GALC: variants seen among roughly 807,000 people sequenced by gnomAD.
The protein encoded by GALC is galactocerebrosidase.
Under a neutral mutation model 91.8 loss-of-function variants are expected in GALC, and 77 were observed. The observed-to-expected ratio is 0.84, with a 90% confidence interval of 0.70 to 1.01. The LOEUF (loss-of-function observed/expected upper bound fraction) is 1.01, where lower values mean the gene tolerates loss of function less well. GALC is among the 50% of genes least tolerant of loss of function. GALC has a pLI of 0.00. For synonymous variants in GALC, 357 were observed against 306.7 expected (o/e 1.16, Z -1.71); for missense variants, 882 against 855.9 (o/e 1.03, Z -0.38).
At chr14:87,960,358 G>A (rs1441934533) in intron 10 of GALC, among the ~76,000 whole-genome samples, 1 of 152,204 alleles carries the variant, frequency 6.6e-6, no homozygotes. Flanking sequence ...CTAGGGTGAA[G>A]ACGGTTAACA....
At position 87,947,800 on chromosome 14, in the gene GALC, G is replaced by T; in HGVS notation, c.1417C>A (p.Arg473Ser). The T allele has an allele frequency of 6.2e-7, 1 of 1,612,792 alleles. No individual in the cohort carries two copies. Among genetic ancestry groups the T allele is most frequent in the South Asian group, 1.1e-5 (1 of 91,056 alleles). Reference sequence around the variant, plus strand: ...GGAGGAAGCGGGTAGCTGCCTTTGCGACCAGTGGTGAGAGTGGTGAGTGTG... The same window carrying T: ...GGAGGAAGCGGGTAGCTGCCTTTGCTACCAGTGGTGAGAGTGGTGAGTGTG... ...LFTLTTLTTG[R>S]KGSYPLPPKS... is the part of the protein sequence containing the mutation. The change falls in exon 13 of 17, where the codon CGC (arginine) becomes AGC (serine). Residue 473 changes from arginine to serine, a missense_variant. Arg to Ser is a moderately radical substitution (Grantham distance 110, BLOSUM62 -1). Coordinates refer to ENST00000261304, the MANE Select transcript of GALC (RefSeq NM_000153.4).
At chr14:87,941,214 T>C (rs1323032654) in intron 15 of GALC, among the ~76,000 whole-genome samples, 181 bp downstream of exon 15, 1 of 152,004 alleles carries the variant, frequency 6.6e-6, no homozygotes, top group East Asian at 2.0e-4. Context: ...CCCCCATCTC[T>C]AGGAATTAAA....
intron 1 of GALC, among the ~76,000 whole-genome samples, chr14:87,992,041 G>A (rs1411878990): frequency 6.6e-6 from 1 of 152,118 alleles, no homozygotes; most frequent in Non-Finnish European, 1.5e-5. Context: ...TGCAAATTAG[G>A]GAATGAAAAC....
chr14:87,960,548 A>T (rs1885759158), intron 10 of GALC, among the ~76,000 whole-genome samples: 1 of 152,200 alleles, frequency 6.6e-6, no homozygotes, highest in Admixed American at 6.5e-5. Flanking sequence ...GACAAAGTTG[A>T]AATACTCACA....
chr14:87,992,559 C>CT, intron 1 of GALC: 1 of 1,504,094 alleles, frequency 6.6e-7, no homozygotes, highest in Non-Finnish European at 8.8e-7. Flanking sequence ...GGGGCGTTCT[C>CT]TTTCGCACAC....
intron 8 of GALC, among the ~76,000 whole-genome samples, chr14:87,967,742 G>A (rs1382917447): frequency 6.6e-6 from 1 of 152,106 alleles, no homozygotes; most frequent in African/African-American, 2.4e-5. Context: ...AACCAGCCTG[G>A]TCTTTTCAAC....
At chr14:87,986,638 C>A in intron 3 of GALC, 36 bp from the exon 4 acceptor site, 1 of 1,286,066 alleles carries the variant, frequency 7.8e-7, no homozygotes, top group Non-Finnish European at 1.1e-6. Flanking sequence ...AGTAATGATC[C>A]ATGAATGGTA....
At chr14:87,992,514 T>C (rs1887246772) in intron 1 of GALC, 1 of 1,529,896 alleles carries the variant, frequency 6.5e-7, no homozygotes, top group Non-Finnish European at 8.7e-7. Flanking sequence ...CACCAACTCC[T>C]CCAAAAGGGA....
Position 87,993,061 on chromosome 14 carries a change from G to T in GALC, c.104C>A (p.Ala35Glu), listed in dbSNP as rs768936728. ...GRAAVPLLLC[A>E]LLAPGGAYVL... ...GTACGCGCCGCCGGGCGCCAGCAGC[G>T]CACACAGCAGCAAGGGCACCGCGGC... The change falls in exon 1 of 17, where the codon GCG becomes GAG. Residue 35 changes from alanine (A) to glutamate (E), a missense_variant. Ala to Glu is a moderately radical substitution (Grantham distance 107). Coordinates refer to ENST00000261304, the MANE Select transcript of GALC (RefSeq NM_000153.4). The T allele has an allele frequency of 1.3e-6, 2 of 1,573,504 alleles. No individual in the cohort carries two copies. The highest frequency in any genetic ancestry group is 1.2e-5 in the South Asian group (1 of 86,800).
At chr14:87,992,330 T>C (rs958403919) in intron 1 of GALC, 11 of 1,535,600 alleles carry the variant, frequency 7.2e-6, no homozygotes, top group South Asian at 4.8e-5. Context: ...ATGAAGCCCA[T>C]GGGCCCAGAG....
intron 12 of GALC, 70 bp from the exon 13 acceptor site, chr14:87,947,948 T>TA: frequency 2.2e-6 from 3 of 1,385,150 alleles, no homozygotes; most frequent in Non-Finnish European, 3.0e-6. Context: ...AGAATAGCTT[T>TA]AAAAAAATTA....
rs112447881 is a variant in GALC at position 87,972,439 on chromosome 14, C to T, written c.752+3919G>A. 2.9e-3 allele frequency among the ~76,000 whole-genome samples: 448 copies of T among 152,118 alleles called. 1 individual carries two copies. Among genetic ancestry groups the T allele is most frequent in the African/African-American group, 0.01 (426 of 41,512 alleles). ...CTTTCCAAGAGGAGATATCAGTAAC[C>T]AAGCTTCTTGGGCACTGATAATTTT... On this transcript the variant is annotated intron_variant, in intron 7 of 16. Transcript: ENST00000261304.
rs148570397 is a variant in GALC, at chr14:87,955,067, T to A, written c.1162-4319A>T. 3.4e-5 allele frequency: 45 copies of A among 1,339,930 alleles called. 1 individual carries two copies. In the Middle Eastern group the frequency reaches 7.7e-4, roughly 23 times the overall value. 83.0% of individuals were successfully genotyped at this position (1,339,930 alleles called of 1,614,324 possible). ...GACCTGTTACACTCCTTGTCGGCAGTCAGCGCAGAACCTTGTGTATCAAAG... is the reference window on the plus strand; with the variant it reads ...GACCTGTTACACTCCTTGTCGGCAGACAGCGCAGAACCTTGTGTATCAAAG... On this transcript the variant is annotated intron_variant, in intron 10 of 16. Transcript: ENST00000261304.
chr14:87,954,980 C>A, intron 10 of GALC: 1 of 1,419,434 alleles, frequency 7.0e-7, no homozygotes, highest in Non-Finnish European at 9.9e-7. Context: ...AACATTTTTG[C>A]AGACTGCCTC....
intron 10 of GALC, among the ~76,000 whole-genome samples, chr14:87,955,584 A>AG (rs78018110): frequency 0.46 from 70,113 of 151,560 alleles, 16,454 homozygotes; most frequent in African/African-American, 0.49. Context: ...TCCCTACCTA[A>AG]AAACCGTCAA....
upstream of GALC, chr14:87,993,382 C>T: frequency 6.5e-7 from 1 of 1,535,776 alleles, no homozygotes; most frequent in East Asian, 2.4e-5. Context: ...CATGTACTTA[C>T]TGCTGGCTTC....
At position 87,944,808 on chromosome 14, in the gene GALC, T is replaced by C. The variant is rs188487182; in HGVS notation, c.1670+745A>G. ...GAATTCTTTTCTCTTCCCTCTCCAGTTTCCAAGCTTCGGATATGGCTTTTT... is the reference window on the plus strand; with the variant it reads ...GAATTCTTTTCTCTTCCCTCTCCAGCTTCCAAGCTTCGGATATGGCTTTTT... On this transcript the variant is annotated intron_variant, in intron 14 of 16. Coordinates refer to ENST00000261304, the MANE Select transcript of GALC (RefSeq NM_000153.4). Among the ~76,000 whole-genome samples, 16 of 152,136 alleles carry C rather than the reference T, an allele frequency of 1.1e-4. 1 individual carries two copies. Among genetic ancestry groups the C allele is most frequent in the Non-Finnish European group, 2.2e-4 (15 of 67,936 alleles).
intron 14 of GALC, among the ~76,000 whole-genome samples, chr14:87,944,924 A>C (rs1380486598): frequency 4.6e-5 from 7 of 151,994 alleles, no homozygotes; most frequent in Non-Finnish European, 8.8e-5. Context: ...ATAGGAAAAA[A>C]TGAAAAAGAA....
At position 87,941,441 on chromosome 14, in the gene GALC, G is replaced by T. The variant is rs115018138; in HGVS notation, c.1788C>A (p.Phe596Leu). ...GILIRSARGI[F>L]FWIFANGSYR... ...AAGATCCATTTGCAAAAATCCAGAA[G>T]AAAATTCCTCTGGCACTTCTAATCA... Residue 596 changes from phenylalanine to leucine, a missense_variant, in exon 15 of 17, where the codon TTC becomes TTA. Coordinates refer to ENST00000261304, the MANE Select transcript of GALC (RefSeq NM_000153.4). The T allele has an allele frequency of 1.2e-6, 2 of 1,607,950 alleles. No homozygotes were observed. Among genetic ancestry groups the T allele is most frequent in the Admixed American group, 1.7e-5 (1 of 59,726 alleles).
Sources: gnomAD v4.1 joint callset for allele counts (sites outside exome capture counted in the v4.1 genomes callset) on GRCh38, gnomAD v4.1.1 for gene constraint, MANE v1.5 for transcripts, NCBI Gene and HGNC (gene_info 2026-07-23, HGNC 2026-07-21) for gene names.